Variants in HS3ST1 observed in about 807,000 individuals in gnomAD.
HS3ST1 encodes the protein heparan sulfate glucosamine 3-O-sulfotransferase 1.
A neutral mutation model predicts 20.7 loss-of-function variants in HS3ST1; 8 were observed. The observed-to-expected ratio is 0.39, with a 90% CI of 0.23 to 0.70. The LOEUF is 0.70. Ranked by LOEUF, HS3ST1 falls within the 30% of genes least tolerant of loss-of-function variation. The probability of loss-of-function intolerance (pLI) is 0.46; values close to 1 mark genes in which losing one functional copy is unlikely to be tolerated. For synonymous variants in HS3ST1, 205 were observed against 190.4 expected, an observed-to-expected ratio of 1.08 and a Z score of -0.63; for missense variants, 436 against 423.4, an observed-to-expected ratio of 1.03 and a Z score of -0.26.
intron 1 of HS3ST1, among the ~76,000 whole-genome samples, chr4:11,424,662 C>T (rs1028305493): frequency 6.6e-6 from 1 of 152,166 alleles, no homozygotes; most frequent in African/African-American, 2.4e-5. Flanking sequence ...GAAAAGGCAC[C>T]TCTGGGACCA....
In HS3ST1 at chr4:11,399,939, C is replaced by T. The variant is rs1026245053; in HGVS notation, c.67G>A (p.Ala23Thr). 24 of 1,578,178 alleles carry T rather than the reference C, an allele frequency of 1.5e-5. No individual in the cohort carries two copies. Among genetic ancestry groups the T allele is most frequent in the South Asian group, 3.4e-5 (3 of 87,858 alleles). Residue 23 changes from alanine to threonine, a missense_variant, in exon 2 of 2, where the codon GCC becomes ACC. Coordinates refer to ENST00000002596, the MANE Select transcript of HS3ST1 (RefSeq NM_005114.4). The surrounding 1 kb of genome is among the most constrained non-coding windows in gnomAD (Gnocchi z 5.1). Reference sequence around the variant, plus strand: ...AGAAGCTCCTGCTGGCCTAGCTCGGCGGGGCGGGAAGGCACTAGCTGGGGC... The same window carrying T: ...AGAAGCTCCTGCTGGCCTAGCTCGGTGGGGCGGGAAGGCACTAGCTGGGGC... ...AQPQLVPSRP[A>T]ELGQQELLRK...
chr4:11,415,168 A>T (rs558460226), intron 1 of HS3ST1, among the ~76,000 whole-genome samples: 1 of 152,366 alleles, frequency 6.6e-6, no homozygotes, highest in East Asian at 1.9e-4. Context: ...AAAGTTCAAC[A>T]CTTTGAACTA....
At position 11,395,405 on chromosome 4, in the gene HS3ST1, A is replaced by C. The variant is rs1718108681; in HGVS notation, c.*3677T>G. ...GGACTATTTCCCTGGAGTGAGCAAG[A>C]ATCCTTTCTTCTGAAAAAAATGACT... On this transcript the variant is annotated 3_prime_UTR_variant, in exon 2 of 2. Transcript: ENST00000002596. 1 of 151,668 alleles carries C rather than the reference A, an allele frequency of 6.6e-6. No homozygotes were observed. Among genetic ancestry groups the C allele is most frequent in the Admixed American group, 6.6e-5 (1 of 15,242 alleles). The allele number at this position is 151,668 out of a possible 1,614,324, so 9.4% of individuals were successfully genotyped here.
chr4:11,422,834 G>A (rs2108890443), intron 1 of HS3ST1, among the ~76,000 whole-genome samples: 1 of 151,988 alleles, frequency 6.6e-6, no homozygotes, highest in African/African-American at 2.4e-5. Context: ...CGTGGACGAT[G>A]GGAGCAGGCT....
intron 1 of HS3ST1, among the ~76,000 whole-genome samples, chr4:11,407,348 C>T (rs1718494251): frequency 1.3e-5 from 2 of 152,166 alleles, no homozygotes; most frequent in African/African-American, 4.8e-5. Flanking sequence ...CGAATATCTC[C>T]TCCTCTAGCC....
At chr4:11,432,825 G>A (rs548104427), upstream of HS3ST1, among the ~76,000 whole-genome samples, 4 of 152,278 alleles carry the variant, frequency 2.6e-5, no homozygotes, top group East Asian at 5.8e-4. Context: ...AAAACATGGA[G>A]GATTGTTGTT....
At chr4:11,425,267 T>G (rs888513113) in intron 1 of HS3ST1, among the ~76,000 whole-genome samples, 3 of 152,200 alleles carry the variant, frequency 2.0e-5, no homozygotes, top group Non-Finnish European at 4.4e-5. Context: ...ATTATGCTGA[T>G]GAAAGATTCA....
chr4:11,399,982 C>T lies in HS3ST1; in HGVS notation c.24G>A (p.Ala8=), dbSNP rs547217177. 14 of 1,538,988 alleles carry T rather than the reference C, an allele frequency of 9.1e-6. No individual in the cohort carries two copies. The highest frequency in any genetic ancestry group is 6.8e-5 in the African/African-American group (5 of 73,288). Residue 8 remains alanine (A), a synonymous_variant, in exon 2 of 2, where the codon GCG becomes GCA. Transcript: ENST00000002596. This position sits in a 1 kb window ranked among gnomAD's most constrained non-coding sequence, Gnocchi z 5.1. ...GCTGGGGCTGGGCCACCAGCAGCAC[C>T]GCGCCCAGGAGCAGCGCGGCCATGC... MAALLLG[A]VLLVAQPQLV...
Position 11,398,485 on chromosome 4 carries a change from C to T in HS3ST1, c.*597G>A, listed in dbSNP as rs1018623432. ...AGCCAGTCACTAACTGCTTCTCCAT[C>T]CTGAATATTGCTTTGTTTACTTGAA... On this transcript the variant is annotated 3_prime_UTR_variant, in exon 2 of 2. Transcript: ENST00000002596. 6.6e-6 allele frequency: 1 copy of T among 152,226 alleles called. No homozygotes were observed. Among genetic ancestry groups the T allele is most frequent in the African/African-American group, 2.4e-5 (1 of 41,428 alleles). 9.4% of individuals were successfully genotyped at this position (152,226 alleles called of 1,614,324 possible).
At chr4:11,414,757 A>G (rs964308774) in intron 1 of HS3ST1, among the ~76,000 whole-genome samples, 4 of 152,242 alleles carry the variant, frequency 2.6e-5, no homozygotes, top group African/African-American at 9.6e-5. Flanking sequence ...GGTTTTTCAC[A>G]GTTTTTCTTC....
chr4:11,424,475 T>C (rs1307734644), intron 1 of HS3ST1, among the ~76,000 whole-genome samples: 1 of 152,012 alleles, frequency 6.6e-6, no homozygotes, highest in Non-Finnish European at 1.5e-5. Context: ...TGAAGATGAA[T>C]GGGGAGAAGC....
chr4:11,406,458 C>T (rs1262518030), intron 1 of HS3ST1, among the ~76,000 whole-genome samples: 5 of 152,156 alleles, frequency 3.3e-5, no homozygotes, highest in South Asian at 2.1e-4. Flanking sequence ...GCCAAATACA[C>T]GGCACAGTGT....
intron 1 of HS3ST1, among the ~76,000 whole-genome samples, chr4:11,400,837 G>T (rs924185136): frequency 2.6e-5 from 4 of 152,242 alleles, no homozygotes; most frequent in African/African-American, 9.6e-5. Context: ...TCAGTCCCCA[G>T]CCTGGCTGCA....
chr4:11,416,892 A>G (rs1718796210), intron 1 of HS3ST1, among the ~76,000 whole-genome samples: 1 of 152,238 alleles, frequency 6.6e-6, no homozygotes, highest in Middle Eastern at 3.2e-3. Context: ...AGAGCTAGAC[A>G]GCTCTTAAAG....
rs1258340909 is a variant in HS3ST1, at chr4:11,399,322, G to A, written c.684C>T (p.Ile228=). The change falls in exon 2 of 2, where the codon ATC becomes ATT. Residue 228 remains isoleucine, a synonymous_variant. Coordinates refer to ENST00000002596, the MANE Select transcript of HS3ST1 (RefSeq NM_005114.4). This position sits in a 1 kb window ranked among gnomAD's most constrained non-coding sequence, Gnocchi z 5.1. ...GCTTTAGGAACCTCTCGACCTTTTG[G>A]ATCTCAGGGAAGGGGTCCCTGATGA... is the stretch of plus-strand genomic sequence containing the variant. ...DRLIRDPFPE[I]QKVERFLKLS... 6.2e-7 allele frequency: 1 copy of A among 1,614,130 alleles called. No individual in the cohort carries two copies. The highest frequency in any genetic ancestry group is 8.5e-7 in the Non-Finnish European group (1 of 1,180,032).
At chr4:11,422,126 C>T (rs1036485581) in intron 1 of HS3ST1, among the ~76,000 whole-genome samples, 4 of 152,190 alleles carry the variant, frequency 2.6e-5, no homozygotes, top group Non-Finnish European at 4.4e-5. Context: ...CTGGACTGAC[C>T]GTATTGGGAA....
rs1341177276 is a variant in HS3ST1, at chr4:11,393,831, G to A, written c.*5251C>T. ...AACCCTAGGAAAGCAGGGGAGTGGGGTGGACAACATTTCTCAGGCATCTTC... is the reference window on the plus strand; with the variant it reads ...AACCCTAGGAAAGCAGGGGAGTGGGATGGACAACATTTCTCAGGCATCTTC... On this transcript the variant is annotated 3_prime_UTR_variant, in exon 2 of 2. Coordinates refer to ENST00000002596, the MANE Select transcript of HS3ST1 (RefSeq NM_005114.4). 8 of 152,240 alleles carry A rather than the reference G, an allele frequency of 5.3e-5. No homozygotes were observed. Among genetic ancestry groups the A allele is most frequent in the Admixed American group, 5.2e-4 (8 of 15,270 alleles). 9.4% of individuals were successfully genotyped at this position (152,240 alleles called of 1,614,324 possible). A position where few individuals can be genotyped will look rare whatever the true frequency, so the allele number is the denominator to read the frequency against.
At chr4:11,427,258 C>A (rs965253084) in intron 1 of HS3ST1, among the ~76,000 whole-genome samples, 14 of 152,240 alleles carry the variant, frequency 9.2e-5, no homozygotes, top group African/African-American at 3.4e-4. Context: ...AGTGTCCAAG[C>A]ACCCAGCGCC....
intron 1 of HS3ST1, among the ~76,000 whole-genome samples, chr4:11,420,007 G>T (rs1373569996): frequency 6.6e-6 from 1 of 152,262 alleles, no homozygotes; most frequent in Non-Finnish European, 1.5e-5. Context: ...TGGCTGCAAA[G>T]CAGCATAGCA....
Sources: allele counts gnomAD v4.1 joint callset (sites outside exome capture counted in the v4.1 genomes callset), GRCh38; gene constraint gnomAD v4.1.1; non-coding constraint Gnocchi (gnomAD v3.1); transcripts MANE v1.5; gene names NCBI Gene and HGNC (gene_info 2026-07-23, HGNC 2026-07-21).